The following ELP3 variants were observed in gnomAD, a reference collection of about 807,000 sequenced individuals.
ELP3 encodes the protein elongator complex protein 3.
In ELP3, 56 loss-of-function variants were observed where a neutral mutation model predicts 74.9. The observed-to-expected ratio is 0.75, with a 90% confidence interval of 0.60 to 0.93. The LOEUF (loss-of-function observed/expected upper bound fraction) is 0.93, where lower values mean the gene tolerates loss of function less well. Ranked by LOEUF, ELP3 falls within the 40% of genes least tolerant of loss-of-function variation. ELP3 has a pLI of 0.00. For synonymous variants in ELP3, 222 were observed against 239.8 expected, an observed-to-expected ratio of 0.93 and a Z score of 0.68; for missense variants, 573 against 686.5, an observed-to-expected ratio of 0.83 and a Z score of 1.85.
intron 10 of ELP3, among the ~76,000 whole-genome samples, chr8:28,138,590 A>G (rs1409158785): frequency 3.3e-5 from 5 of 152,234 alleles, no homozygotes; most frequent in Admixed American, 6.5e-5. Context: ...CCAGGTTCCA[A>G]TATTACAAAT....
chr8:28,154,656 C>G (rs554284606), intron 10 of ELP3, among the ~76,000 whole-genome samples: 1 of 151,994 alleles, frequency 6.6e-6, no homozygotes. Context: ...TACATATGTT[C>G]CTTGCCAAAA....
chr8:28,161,458 C>G (rs1221070690), intron 13 of ELP3, among the ~76,000 whole-genome samples: 5 of 152,004 alleles, frequency 3.3e-5, no homozygotes. Flanking sequence ...CCTGTAGTCA[C>G]AGCTACTCAG....
In ELP3 at chr8:28,165,154, C is replaced by T. The variant is rs117538245; in HGVS notation, c.1567+3076C>T. On this transcript the variant is annotated intron_variant, in intron 14 of 14. Coordinates refer to ENST00000256398, the MANE Select transcript of ELP3 (RefSeq NM_018091.6). The stretch of plus-strand genomic sequence containing the variant: ...CTTACTCTCCATGGGCCTTTATTTC[C>T]GTATTTTAAAAAAGTGGATGTGGTT... Among the ~76,000 whole-genome samples the T allele has an allele frequency of 8.7e-3, 1,326 of 152,076 alleles. 7 individuals are homozygous for T. Among genetic ancestry groups the T allele is most frequent in the Non-Finnish European group, 0.012 (785 of 67,994 alleles).
At chr8:28,099,343 G>A (rs531639747) in intron 2 of ELP3, among the ~76,000 whole-genome samples, 1 of 152,146 alleles carries the variant, frequency 6.6e-6, no homozygotes, top group African/African-American at 2.4e-5. Flanking sequence ...TCCTCCTCAG[G>A]ACATTTGGCA....
chr8:28,109,693 T>A lies in ELP3; in HGVS notation c.394-677T>A, dbSNP rs2130386283. On this transcript the variant is annotated intron_variant, in intron 5 of 14. Transcript: ENST00000256398. ...ACCTGATACACCTAGGCTGAATTAA[T>A]TTTATACAATATTTTTAATAATTTT... 2.0e-5 allele frequency among the ~76,000 whole-genome samples: 3 copies of A among 152,348 alleles called. No individual in the cohort carries two copies. In the East Asian group the frequency reaches 5.8e-4, roughly 29 times the overall value.
chr8:28,155,397 T>C (rs1813786715), intron 10 of ELP3, among the ~76,000 whole-genome samples: 1 of 152,206 alleles, frequency 6.6e-6, no homozygotes, highest in African/African-American at 2.4e-5. Context: ...TCCTCCTGTC[T>C]TTAGGCAAGC....
intron 7 of ELP3, among the ~76,000 whole-genome samples, chr8:28,116,718 G>A (rs1173585153): frequency 1.3e-5 from 2 of 152,128 alleles, no homozygotes; most frequent in African/African-American, 4.8e-5. Flanking sequence ...CAGCCTGGGC[G>A]ACAGAGTGAG....
chr8:28,128,117 C>T (rs1377161564), intron 7 of ELP3, among the ~76,000 whole-genome samples: 1 of 152,058 alleles, frequency 6.6e-6, no homozygotes, highest in Non-Finnish European at 1.5e-5. Flanking sequence ...TTCTCTCATC[C>T]TCCCCCCAAA....
Position 28,155,810 on chromosome 8 carries a change from A to T in ELP3, c.1101-132A>T. 1.6e-5 allele frequency: 10 copies of T among 634,022 alleles called. 1 individual carries two copies. The South Asian group carries it at 2.1e-4, about 13-fold the overall frequency. The allele number at this position is 634,022 out of a possible 1,614,324, so 39.3% of individuals were successfully genotyped here. ...TCCTTGTTAGGAGGCTTTGCCTCTG[A>T]TTTCCTGGTCAGCTTCATAGGTTTT... On this transcript the variant is annotated intron_variant, in intron 10 of 14. Coordinates refer to ENST00000256398, the MANE Select transcript of ELP3 (RefSeq NM_018091.6).
chr8:28,165,918 CT>C (rs1814289058), intron 14 of ELP3, among the ~76,000 whole-genome samples: 1 of 152,140 alleles, frequency 6.6e-6, no homozygotes, highest in Non-Finnish European at 1.5e-5. Flanking sequence ...AGATGACTAC[CT>C]TTATGGCTAC....
chr8:28,128,294 T>G (rs1812658446), intron 7 of ELP3, among the ~76,000 whole-genome samples: 1 of 151,980 alleles, frequency 6.6e-6, no homozygotes, highest in Non-Finnish European at 1.5e-5. Flanking sequence ...GCCAACAAAG[T>G]GAAACCCCGT....
intron 2 of ELP3, among the ~76,000 whole-genome samples, chr8:28,097,928 A>G (rs560350948): frequency 1.3e-5 from 2 of 152,262 alleles, no homozygotes; most frequent in East Asian, 3.9e-4. Context: ...GTAACTAGTA[A>G]TTGGCAGAGC....
rs573892953 is a variant in ELP3, at chr8:28,142,438, G to A, written c.1100+4547G>A. On this transcript the variant is annotated intron_variant, in intron 10 of 14. Coordinates refer to ENST00000256398, the MANE Select transcript of ELP3 (RefSeq NM_018091.6). The stretch of plus-strand genomic sequence containing the variant: ...CACTTATGGAGCTTGTGAGTGAGGA[G>A]TGGTACAGGTGGATGTAGGCTTAAG... 8.5e-5 allele frequency among the ~76,000 whole-genome samples: 13 copies of A among 152,332 alleles called. No individual in the cohort carries two copies. In the South Asian group the frequency reaches 2.7e-3, roughly 32 times the overall value.
chr8:28,190,490 C>T lies in ELP3; in HGVS notation c.*765C>T, dbSNP rs1815418967. On this transcript the variant is annotated 3_prime_UTR_variant, in exon 15 of 15. Coordinates refer to ENST00000256398, the MANE Select transcript of ELP3 (RefSeq NM_018091.6). ...GGTCCCCAGAGAGCGTTTGGCTTTC[C>T]TGTCTGTCTATCCTGAGCGGGTGGA... The T allele has an allele frequency of 6.6e-6, 1 of 152,212 alleles. No homozygotes were observed. Among genetic ancestry groups the T allele is most frequent in the Non-Finnish European group, 1.5e-5 (1 of 68,074 alleles). The allele number at this position is 152,212 out of a possible 1,614,324, so 9.4% of individuals were successfully genotyped here. A position where few individuals can be genotyped will look rare whatever the true frequency, so the allele number is the denominator to read the frequency against.
rs1316005293 is a variant in ELP3 at position 28,160,309 on chromosome 8, TTTGATTGGCCTCC to T, written c.1340_1352del (p.Leu447TyrfsTer21). On this transcript the variant is annotated frameshift_variant, in exon 13 of 15. Coordinates refer to ENST00000256398, the MANE Select transcript of ELP3 (RefSeq NM_018091.6). LOFTEE classifies it high-confidence loss of function. ...CATACGAAGACCCAGATCAAGACAT[TTTGATTGGCCTCC>T]TACGATTACGCAAGTGTTCAGAAGA... is the stretch of plus-strand genomic sequence containing the variant. 6.2e-7 allele frequency: 1 copy of T among 1,614,162 alleles called. No individual in the cohort carries two copies. The highest frequency in any genetic ancestry group is 1.7e-5 in the Admixed American group (1 of 60,028).
intron 10 of ELP3, among the ~76,000 whole-genome samples, chr8:28,154,039 C>CTCAT (rs1268644977): frequency 6.6e-6 from 1 of 152,146 alleles, no homozygotes; most frequent in Non-Finnish European, 1.5e-5. Context: ...GAGATGCTAT[C>CTCAT]TCATGTTCCT....
At chr8:28,127,790 G>C (rs1251047013) in intron 7 of ELP3, among the ~76,000 whole-genome samples, 3 of 152,178 alleles carry the variant, frequency 2.0e-5, no homozygotes, top group African/African-American at 7.2e-5. Context: ...CTTTGAACTA[G>C]TTGTTTACCT....
Position 28,162,059 on chromosome 8 carries a change from G to A in ELP3, c.1548G>A (p.Gly516=), listed in dbSNP as rs145386460. The A allele has an allele frequency of 6.2e-7, 1 of 1,614,070 alleles. No individual in the cohort carries two copies. The highest frequency in any genetic ancestry group is 1.3e-5 in the African/African-American group (1 of 74,938). ...ERIAREEHGS[G]KIAVISGVGT... ...TAGCTAGAGAAGAACATGGGTCTGG[G>A]AAAATCGCTGTGATATCAGGTAACT... The change falls in exon 14 of 15, where the codon GGG becomes GGA. Residue 516 remains glycine, a synonymous_variant. Transcript: ENST00000256398.
At chr8:28,130,685 G>A (rs895477651) in intron 8 of ELP3, among the ~76,000 whole-genome samples, 1 of 152,200 alleles carries the variant, frequency 6.6e-6, no homozygotes, top group African/African-American at 2.4e-5. Flanking sequence ...TGGAGGGGAA[G>A]GGGGAGCTTT....
Sources: gnomAD v4.1 joint callset for allele counts (sites outside exome capture counted in the v4.1 genomes callset) on GRCh38, gnomAD v4.1.1 for gene constraint, MANE v1.5 for transcripts, NCBI Gene and HGNC (gene_info 2026-07-23, HGNC 2026-07-21) for gene names.